The following ADAMTSL1 variants were observed in gnomAD, a reference collection of about 807,000 sequenced individuals.
ADAMTSL1 encodes the protein ADAMTS-like protein 1.
A neutral mutation model predicts 201.8 loss-of-function variants in ADAMTSL1; 126 were observed. The observed-to-expected ratio is 0.62, with a 90% CI of 0.54 to 0.72. The LOEUF is 0.72. Ranked by LOEUF, ADAMTSL1 falls within the 30% of genes least tolerant of loss-of-function variation. The probability of loss-of-function intolerance (pLI) is 0.00; values close to 1 mark genes in which losing one functional copy is unlikely to be tolerated. For synonymous variants in ADAMTSL1, 1,121 were observed against 903.4 expected, an observed-to-expected ratio of 1.24 and a Z score of -4.32; for missense variants, 2,679 against 2,277.8, an observed-to-expected ratio of 1.18 and a Z score of -3.59.
intron 1 of ADAMTSL1, among the ~76,000 whole-genome samples, chr9:17,972,946 G>T (rs558156845): frequency 6.7e-6 from 1 of 149,846 alleles, no homozygotes; most frequent in East Asian, 2.0e-4. Context: ...GTGTTTTTTG[G>T]CTGCATAAAT....
Position 18,574,196 on chromosome 9 carries a change from C to T in ADAMTSL1, c.404C>T (p.Ala135Val), listed in dbSNP as rs1286627442. 6 of 1,614,144 alleles carry T rather than the reference C, an allele frequency of 3.7e-6. No homozygotes were observed. In the East Asian group the frequency reaches 8.9e-5, roughly 24 times the overall value. Reference protein sequence around the residue: ...AKGTTLVVELAPKVLDGTRCY... With the variant: ...AKGTTLVVELVPKVLDGTRCY... ...GGAACAACCCTGGTTGTTGAACTAG[C>T]ACCTAAGGTCTTAGATGGTACGCGT... Residue 135 changes from alanine to valine, a missense_variant, in exon 4 of 29, where the codon GCA (alanine) becomes GTA (valine). Ala to Val is a moderately conservative substitution (Grantham distance 64, BLOSUM62 0). Coordinates refer to ENST00000380548, the MANE Select transcript of ADAMTSL1 (RefSeq NM_001040272.6).
intron 1 of ADAMTSL1, among the ~76,000 whole-genome samples, chr9:17,993,720 G>A (rs942936332): frequency 6.6e-6 from 1 of 152,108 alleles, no homozygotes; most frequent in Non-Finnish European, 1.5e-5. Flanking sequence ...GTATCATTTG[G>A]ATGTTGACTT....
intron 15 of ADAMTSL1, among the ~76,000 whole-genome samples, chr9:18,747,795 T>C (rs1196146351): frequency 6.6e-6 from 1 of 152,186 alleles, no homozygotes; most frequent in African/African-American, 2.4e-5. Flanking sequence ...GTTCAAGGGC[T>C]AGCCAGATCC....
Position 18,622,354 on chromosome 9 carries a change from C to A in ADAMTSL1, c.586C>A (p.Leu196Ile). 1 of 1,614,076 alleles carries A rather than the reference C, an allele frequency of 6.2e-7. No homozygotes were observed. The highest frequency in any genetic ancestry group is 8.5e-7 in the Non-Finnish European group (1 of 1,179,962). ...RLVRGQYKSQLSATKSDDTVV... is the reference protein window; with the variant it reads ...RLVRGQYKSQISATKSDDTVV... The stretch of plus-strand genomic sequence containing the variant: ...GGTCCGAGGGCAGTATAAATCCCAG[C>A]TCTCCGCAACCAAATGTAAGACACA... Residue 196 changes from leucine to isoleucine, a missense_variant, in exon 5 of 29, where the codon CTC (leucine) becomes ATC (isoleucine). Transcript: ENST00000380548.
intron 2 of ADAMTSL1, among the ~76,000 whole-genome samples, chr9:18,355,555 A>G (rs1836182662): frequency 6.6e-6 from 1 of 152,250 alleles, no homozygotes; most frequent in South Asian, 2.1e-4. Context: ...AAAGACATTG[A>G]TAAAAATACA....
intron 23 of ADAMTSL1, among the ~76,000 whole-genome samples, chr9:18,832,896 T>G (rs1825077675): frequency 6.6e-6 from 1 of 152,184 alleles, no homozygotes. Flanking sequence ...TCATAGACCC[T>G]GATTTTCATG....
At chr9:18,630,317 G>A (rs190587745) in intron 5 of ADAMTSL1, among the ~76,000 whole-genome samples, 70 of 152,272 alleles carry the variant, frequency 4.6e-4, no homozygotes, top group African/African-American at 1.6e-3. Flanking sequence ...TATGAGCACC[G>A]TGTACTCTTC....
chr9:18,313,239 C>T (rs1267176769), intron 2 of ADAMTSL1, among the ~76,000 whole-genome samples: 2 of 152,174 alleles, frequency 1.3e-5, no homozygotes, highest in East Asian at 3.8e-4. Flanking sequence ...TCTTTGAGAA[C>T]TATTTTTCTT....
At chr9:18,798,559 C>G (rs1357667159) in intron 20 of ADAMTSL1, among the ~76,000 whole-genome samples, 1 of 152,184 alleles carries the variant, frequency 6.6e-6, no homozygotes, top group African/African-American at 2.4e-5. Flanking sequence ...TTTCAGGGAC[C>G]AGGATGCTCA....
intron 13 of ADAMTSL1, among the ~76,000 whole-genome samples, chr9:18,690,920 ACCTATAAAT>A (rs1377529972): frequency 6.6e-6 from 1 of 152,192 alleles, no homozygotes; most frequent in Admixed American, 6.5e-5. Flanking sequence ...AGCTAAACTT[ACCTATAAAT>A]CCCTTGCCCT....
chr9:18,436,795 A>G lies in ADAMTSL1; in HGVS notation c.208-68034A>G, dbSNP rs1182004485. On this transcript the variant is annotated intron_variant, in intron 2 of 29. Coordinates refer to the ADAMTSL1 transcript ENST00000680146. The stretch of plus-strand genomic sequence containing the variant: ...CCATCATCATGGAATCCTTTCTCCT[A>G]CACTGTATTATACAGCATTACCTGG... 4.6e-5 allele frequency among the ~76,000 whole-genome samples: 7 copies of G among 152,234 alleles called. No homozygotes were observed. The East Asian group carries it at 7.7e-4, about 17-fold the overall frequency.
chr9:18,160,893 G>T (rs1276219995), intron 1 of ADAMTSL1, among the ~76,000 whole-genome samples: 10 of 131,800 alleles, frequency 7.6e-5, no homozygotes, highest in Admixed American at 5.7e-4. Flanking sequence ...CTCACTATTT[G>T]CCCAGGCTGG....
intron 2 of ADAMTSL1, among the ~76,000 whole-genome samples, chr9:18,368,558 TCA>T (rs1836891907): frequency 6.6e-6 from 1 of 152,230 alleles, no homozygotes; most frequent in African/African-American, 2.4e-5. Flanking sequence ...GCCCAGTGTC[TCA>T]CAACTCTTAG....
chr9:18,275,967 T>G (rs1034620844), intron 2 of ADAMTSL1, among the ~76,000 whole-genome samples: 2 of 152,132 alleles, frequency 1.3e-5, no homozygotes, highest in Admixed American at 6.5e-5. Flanking sequence ...TGTGCCATCT[T>G]GCATTTCCAC....
chr9:18,776,680 T>TCTGG, intron 18 of ADAMTSL1, 101 bp from the exon 19 acceptor site: 1 of 1,304,078 alleles, frequency 7.7e-7, no homozygotes. Context: ...TCTTCTCCAC[T>TCTGG]CTGGCTCTTT....
chr9:18,214,931 A>G (rs1321551647), intron 2 of ADAMTSL1, among the ~76,000 whole-genome samples: 1 of 152,156 alleles, frequency 6.6e-6, no homozygotes, highest in East Asian at 1.9e-4. Context: ...TAGATCAGGC[A>G]GTAGTCTTTA....
chr9:18,344,809 C>T (rs10429466), intron 2 of ADAMTSL1, among the ~76,000 whole-genome samples: 2,477 of 152,250 alleles, frequency 0.016, 69 homozygotes, highest in African/African-American at 0.057. Context: ...AAACACACCA[C>T]ATGCTTGAAA....
rs1159600643 is a variant in ADAMTSL1 at position 18,502,254 on chromosome 9, T to A, written c.64-2575T>A. On this transcript the variant is annotated intron_variant, in intron 1 of 28. Transcript: ENST00000380548. ...TCACTCATTTCAATTACTGCATGAATCCTAACGTTTGTGATACTGGTTTCA... is the reference window on the plus strand; with the variant it reads ...TCACTCATTTCAATTACTGCATGAAACCTAACGTTTGTGATACTGGTTTCA... Among the ~76,000 whole-genome samples, 5 of 152,212 alleles carry A rather than the reference T, an allele frequency of 3.3e-5. 1 individual carries two copies. Among genetic ancestry groups the A allele is most frequent in the South Asian group, 4.1e-4 (2 of 4,834 alleles).
intron 22 of ADAMTSL1, among the ~76,000 whole-genome samples, chr9:18,828,719 A>T (rs1824782034): frequency 8.4e-6 from 1 of 118,476 alleles, no homozygotes. Context: ...GTATATATAT[A>T]TATGTACACA....
Sources: allele counts gnomAD v4.1 joint callset (sites outside exome capture counted in the v4.1 genomes callset), GRCh38; gene constraint gnomAD v4.1.1; transcripts MANE v1.5; gene names NCBI Gene and HGNC (gene_info 2026-07-23, HGNC 2026-07-21).